Variants in MROH2A observed in about 807,000 individuals in gnomAD.
The protein encoded by MROH2A is maestro heat like repeat family member 2A.
Under a neutral mutation model 200.4 loss-of-function variants are expected in MROH2A, and 174 were observed. That is an observed-to-expected ratio of 0.87 (90% CI 0.77 to 0.98). MROH2A has a LOEUF of 0.98. Among genes scored for constraint, MROH2A ranks in the 50% least tolerant of loss-of-function variants. The probability of loss-of-function intolerance (pLI) is 0.00; values close to 1 mark genes in which losing one functional copy is unlikely to be tolerated. For synonymous variants in MROH2A, 829 were observed against 840.4 expected (o/e 0.99, Z 0.23); for missense variants, 2,045 against 2,139.6 (o/e 0.96, Z 0.87).
In MROH2A at chr2:233,822,236, A is replaced by G. The variant is rs1703992107; in HGVS notation, c.3625A>G (p.Thr1209Ala). Reference sequence around the variant, plus strand: ...ACGGCTCAGCCCCAGAATCAGTGCCACCTCCAAGGCTGACATCTGGCGCCT... The same window carrying G: ...ACGGCTCAGCCCCAGAATCAGTGCCGCCTCCAAGGCTGACATCTGGCGCCT... Reference protein sequence around the residue: ...QSRLSPRISATSKADIWRLAA... With the variant: ...QSRLSPRISAASKADIWRLAA... Residue 1209 changes from threonine to alanine, a missense_variant, in exon 32 of 42, where the codon ACC becomes GCC. Around this residue, in one of 3 missense-constraint regions of MROH2A, gnomAD observed 1,201 missense variants for 1,311.3 expected, o/e 0.92. Coordinates refer to ENST00000389758, the MANE Select transcript of MROH2A (RefSeq NM_001394639.1). 1 of 1,547,902 alleles carries G rather than the reference A, an allele frequency of 6.5e-7. No individual in the cohort carries two copies. The highest frequency in any genetic ancestry group is 8.7e-7 in the Non-Finnish European group (1 of 1,146,976).
At chr2:233,810,035 A>C (rs1703052521) in intron 22 of MROH2A, among the ~76,000 whole-genome samples, 1 of 152,146 alleles carries the variant, frequency 6.6e-6, no homozygotes, top group Non-Finnish European at 1.5e-5. Context: ...TATTTCATTT[A>C]TCATAATGTT....
intron 22 of MROH2A, among the ~76,000 whole-genome samples, chr2:233,809,593 A>C (rs994198430): frequency 6.6e-6 from 1 of 152,114 alleles, no homozygotes; most frequent in Non-Finnish European, 1.5e-5. Flanking sequence ...CCTCTCTGAC[A>C]CTGACCCAGA....
chr2:233,809,220 A>G lies in MROH2A; in HGVS notation c.2390A>G (p.Asn797Ser), dbSNP rs768821476. Residue 797 changes from asparagine (N) to serine (S), a missense_variant, in exon 22 of 42, where the codon AAC becomes AGC. Transcript: ENST00000389758. ...ASYCHPQLLLNLVDSPITAKI... is the reference protein window; with the variant it reads ...ASYCHPQLLLSLVDSPITAKI... ...TACTGCCACCCCCAGTTGCTCCTCA[A>G]CCTCGTGGACAGCCCCATCACCGCT... 2.6e-6 allele frequency: 4 copies of G among 1,550,292 alleles called. No individual in the cohort carries two copies. Among genetic ancestry groups the G allele is most frequent in the East Asian group, 2.4e-5 (1 of 40,902 alleles).
chr2:233,827,093 G>C (rs1428075632), intron 35 of MROH2A, among the ~76,000 whole-genome samples: 1 of 152,208 alleles, frequency 6.6e-6, no homozygotes, highest in Non-Finnish European at 1.5e-5. Context: ...CAAGGTTGCA[G>C]AGAAATAGGA....
intron 31 of MROH2A, 56 bp from the exon 32 acceptor site, chr2:233,822,068 A>C (rs1703973954): frequency 7.3e-6 from 11 of 1,505,188 alleles, no homozygotes; most frequent in Non-Finnish European, 9.8e-6. Flanking sequence ...AGGGATTCTT[A>C]CCTGCCAGGG....
intron 38 of MROH2A, among the ~76,000 whole-genome samples, chr2:233,831,144 G>C (rs1451413107): frequency 6.6e-6 from 1 of 152,248 alleles, no homozygotes; most frequent in Admixed American, 6.5e-5. Context: ...TCCCAGGCAG[G>C]GCTGCTGAGG....
chr2:233,796,871 A>G (rs1702146199), intron 11 of MROH2A, among the ~76,000 whole-genome samples: 1 of 152,204 alleles, frequency 6.6e-6, no homozygotes, highest in African/African-American at 2.4e-5. Flanking sequence ...TTCAGTGCAC[A>G]AATTGGGCAA....
chr2:233,810,662 C>T, intron 22 of MROH2A, 132 bp from the exon 23 acceptor site: 2 of 1,176,752 alleles, frequency 1.7e-6, no homozygotes, highest in Non-Finnish European at 2.3e-6. Flanking sequence ...GTGAGGCTGG[C>T]CATCTCTCAG....
chr2:233,804,308 A>C, intron 17 of MROH2A, 116 bp downstream of exon 17: 1 of 1,454,014 alleles, frequency 6.9e-7, no homozygotes, highest in Non-Finnish European at 9.3e-7. Context: ...CCACACAGCC[A>C]GCCCACTTTT....
chr2:233,777,818 G>C (rs866258807), upstream of MROH2A, among the ~76,000 whole-genome samples: 7 of 152,330 alleles, frequency 4.6e-5, no homozygotes, highest in African/African-American at 1.7e-4. Flanking sequence ...ATCTCTCCTA[G>C]CTATAAATGA....
chr2:233,799,812 G>A lies in MROH2A; in HGVS notation c.1362G>A (p.Gln454=), dbSNP rs1307168784. 1.3e-6 allele frequency: 2 copies of A among 1,550,424 alleles called. No homozygotes were observed. Among genetic ancestry groups the A allele is most frequent in the African/African-American group, 2.7e-5 (2 of 73,018 alleles). The part of the protein sequence containing the change: ...VRMAILHIIG[Q]LALCGYQERI... ...TGGCTATTCTCCACATCATTGGGCA[G>A]TTGGCTCTCTGTGGCTACCAGGAGA... Residue 454 remains glutamine, a synonymous_variant, in exon 13 of 42, where the codon CAG becomes CAA. Transcript: ENST00000389758.
chr2:233,805,029 C>G lies in MROH2A; in HGVS notation c.1970C>G (p.Thr657Ser), dbSNP rs1266577174. 3 of 1,550,166 alleles carry G rather than the reference C, an allele frequency of 1.9e-6. No homozygotes were observed. The highest frequency in any genetic ancestry group is 1.2e-5 in the South Asian group (1 of 84,048). Residue 657 changes from threonine to serine, a missense_variant, in exon 19 of 42, where the codon ACC (threonine) becomes AGC (serine). Physicochemically the swap from Thr to Ser is moderately conservative, Grantham distance 58 (BLOSUM62 1). This residue lies in a region of MROH2A where 1,201 missense variants were observed against 1,311.3 expected (regional missense o/e 0.92). Transcript: ENST00000389758. The part of the protein sequence containing the change: ...IQFLRNSLKK[T>S]RGSSWSLRLS... The stretch of plus-strand genomic sequence containing the variant: ...TTTCTGCGAAACTCCCTCAAGAAGA[C>G]CCGGGGGTCTAGCTGGAGCCTGCGC...
rs759095289 is a variant in MROH2A, at chr2:233,803,488, G to C, written c.1749G>C (p.Leu583=). The C allele has an allele frequency of 6.4e-5, 99 of 1,550,294 alleles. No homozygotes were observed. The highest frequency in any genetic ancestry group is 8.5e-5 in the Non-Finnish European group (98 of 1,146,990). The part of the protein sequence containing the change: ...PAPQKLLARL[L]VLMSSPYKGE... ...CTCAGAAGCTGCTGGCCCGTCTCCT[G>C]GTGAGTGGCTGACCTGCACCATGCC... Residue 583 remains leucine, a splice_region_variant and synonymous_variant, in exon 16 of 42, where the codon CTG becomes CTC. Coordinates refer to ENST00000389758, the MANE Select transcript of MROH2A (RefSeq NM_001394639.1).
At chr2:233,791,044 G>A (rs1363648281) in intron 5 of MROH2A, among the ~76,000 whole-genome samples, 7 of 152,194 alleles carry the variant, frequency 4.6e-5, no homozygotes, top group Non-Finnish European at 8.8e-5. Context: ...AGAGAACATT[G>A]CAGAGGCTCT....
At chr2:233,818,582 G>A in intron 28 of MROH2A, 70 bp from the exon 29 acceptor site, 2 of 957,210 alleles carry the variant, frequency 2.1e-6, no homozygotes, top group Non-Finnish European at 3.3e-6. Flanking sequence ...AGGGCAGGAG[G>A]TAGCCACGAA....
chr2:233,821,029 G>C (rs907366383), intron 31 of MROH2A, among the ~76,000 whole-genome samples: 3 of 152,162 alleles, frequency 2.0e-5, no homozygotes, highest in African/African-American at 7.2e-5. Context: ...ACGTCACACT[G>C]GCTTTCACTT....
rs1481017575 is a variant in MROH2A at position 233,795,759 on chromosome 2, G to A, written c.1059+14G>A. On this transcript the variant is annotated intron_variant, in intron 9 of 41. Coordinates refer to ENST00000389758, the MANE Select transcript of MROH2A (RefSeq NM_001394639.1). Reference sequence around the variant, plus strand: ...CTGCACGTCCAGGTGAGGCCAGCAAGCTCAGCTGGACAAGGGCATTCTCTG... The same window carrying A: ...CTGCACGTCCAGGTGAGGCCAGCAAACTCAGCTGGACAAGGGCATTCTCTG... The A allele has an allele frequency of 2.6e-6, 4 of 1,550,842 alleles. No individual in the cohort carries two copies. Among genetic ancestry groups the A allele is most frequent in the Non-Finnish European group, 3.5e-6 (4 of 1,147,082 alleles).
chr2:233,818,203 T>C, intron 28 of MROH2A, 78 bp downstream of exon 28: 1 of 1,505,696 alleles, frequency 6.6e-7, no homozygotes, highest in Non-Finnish European at 8.9e-7. Context: ...GGCTGCGGCC[T>C]GCCCTGGAGG....
chr2:233,809,196 A>C lies in MROH2A; in HGVS notation c.2366A>C (p.Tyr789Ser). The C allele has an allele frequency of 1.3e-6, 2 of 1,550,448 alleles. No homozygotes were observed. Among genetic ancestry groups the C allele is most frequent in the Non-Finnish European group, 1.7e-6 (2 of 1,146,958 alleles). ...LMVMYSCVASYCHPQLLLNLV... is the reference protein window; with the variant it reads ...LMVMYSCVASSCHPQLLLNLV... ...GTGATGTATAGCTGCGTGGCCTCCTACTGCCACCCCCAGTTGCTCCTCAAC... is the reference window on the plus strand; with the variant it reads ...GTGATGTATAGCTGCGTGGCCTCCTCCTGCCACCCCCAGTTGCTCCTCAAC... Residue 789 changes from tyrosine (Y) to serine (S), a missense_variant, in exon 22 of 42, where the codon TAC becomes TCC. Tyr to Ser is a moderately radical substitution (Grantham distance 144). Around this residue, in one of 3 missense-constraint regions of MROH2A, gnomAD observed 1,201 missense variants for 1,311.3 expected, o/e 0.92. Coordinates refer to ENST00000389758, the MANE Select transcript of MROH2A (RefSeq NM_001394639.1).
Sources: gnomAD v4.1 joint callset for allele counts (sites outside exome capture counted in the v4.1 genomes callset) on GRCh38, gnomAD v4.1.1 for gene constraint, gnomAD v4.1.1 regional missense constraint, MANE v1.5 for transcripts, NCBI Gene and HGNC (gene_info 2026-07-23, HGNC 2026-07-21) for gene names.